Variants in TMCO4 observed in about 807,000 individuals in gnomAD.
TMCO4 encodes transmembrane and coiled-coil domain-containing protein 4.
TMCO4 carries 58 observed loss-of-function variants against 64.7 expected under a neutral mutation model. That is an observed-to-expected ratio of 0.90 (90% CI 0.73 to 1.12). The LOEUF is 1.12. TMCO4 is among the 50% of genes most tolerant of loss of function. TMCO4 has a pLI of 0.00. For missense variants in TMCO4, 780 were observed against 825.9 expected, an observed-to-expected ratio of 0.94 and a Z score of 0.68; for synonymous variants, 325 against 346.1, an observed-to-expected ratio of 0.94 and a Z score of 0.68.
intron 7 of TMCO4, 48 bp downstream of exon 7, chr1:19,755,586 T>C (rs1158205871): frequency 1.9e-6 from 3 of 1,610,380 alleles, no homozygotes; most frequent in Non-Finnish European, 2.5e-6. Flanking sequence ...CAAAGTACAC[T>C]GAAGTGGAAA....
intron 13 of TMCO4, among the ~76,000 whole-genome samples, chr1:19,702,751 C>A (rs933754768): frequency 1.3e-5 from 2 of 152,180 alleles, no homozygotes; most frequent in Non-Finnish European, 1.5e-5. Flanking sequence ...GTGACAGAGG[C>A]AGACCTTGTC....
intron 15 of TMCO4, among the ~76,000 whole-genome samples, chr1:19,689,301 T>A (rs1042441741): frequency 2.6e-5 from 4 of 152,160 alleles, no homozygotes; most frequent in African/African-American, 9.7e-5. Flanking sequence ...ACTCCTAATG[T>A]GATAAAGAGC....
chr1:19,765,726 AC>A (rs1471829210), intron 6 of TMCO4, among the ~76,000 whole-genome samples: 1 of 152,050 alleles, frequency 6.6e-6, no homozygotes, highest in Non-Finnish European at 1.5e-5. Flanking sequence ...ATTAGCATGC[AC>A]AAAAAATTCC....
intron 14 of TMCO4, among the ~76,000 whole-genome samples, chr1:19,695,062 T>C (rs930782444): frequency 3.3e-5 from 5 of 152,186 alleles, no homozygotes; most frequent in South Asian, 2.1e-4. Context: ...AGGGACCAGC[T>C]TGGCCTTCCC....
In TMCO4 at chr1:19,683,139, A is replaced by T. The variant is rs1215480724; in HGVS notation, c.1806T>A (p.Pro602=). 6.2e-7 allele frequency: 1 copy of T among 1,613,980 alleles called. No individual in the cohort carries two copies. The highest frequency in any genetic ancestry group is 8.5e-7 in the Non-Finnish European group (1 of 1,179,912). Residue 602 remains proline, a synonymous_variant, in exon 16 of 16, where the codon CCT becomes CCA. Transcript: ENST00000294543. ...CATGGCTGCAGATGGGGGGCCTTTC[A>T]GGGCTGGCAGCAGCAGGAAGGGAGG... ...EGASLPAAAS[P]ERPPICSHGM... is the part of the protein sequence containing the mutation.
chr1:19,711,499 T>C (rs1219561958), intron 13 of TMCO4, among the ~76,000 whole-genome samples: 1 of 152,174 alleles, frequency 6.6e-6, no homozygotes, highest in East Asian at 1.9e-4. Context: ...ATTTATTTGC[T>C]TGTTTTTCAG....
intron 13 of TMCO4, among the ~76,000 whole-genome samples, chr1:19,703,850 C>A (rs1389743483): frequency 6.6e-6 from 1 of 152,132 alleles, no homozygotes; most frequent in African/African-American, 2.4e-5. Context: ...GCCCGTCCAG[C>A]TCTTTCTTAT....
chr1:19,744,114 C>T (rs2041655794), intron 10 of TMCO4, among the ~76,000 whole-genome samples: 1 of 152,300 alleles, frequency 6.6e-6, no homozygotes, highest in Admixed American at 6.5e-5. Flanking sequence ...GACTTGGGAA[C>T]CCAGGAGGCT....
intron 13 of TMCO4, among the ~76,000 whole-genome samples, chr1:19,720,433 C>G (rs1043426068): frequency 6.6e-6 from 1 of 152,168 alleles, no homozygotes; most frequent in African/African-American, 2.4e-5. Context: ...AGCTGGAATT[C>G]AGATCCAGGC....
chr1:19,755,716 G>C lies in TMCO4; in HGVS notation c.433C>G (p.Leu145Val). The C allele has an allele frequency of 6.2e-7, 1 of 1,614,136 alleles. No individual in the cohort carries two copies. The highest frequency in any genetic ancestry group is 1.3e-5 in the African/African-American group (1 of 75,050). Residue 145 changes from leucine (L) to valine (V), a missense_variant, in exon 7 of 16, where the codon CTC becomes GTC. By Grantham distance (32) the Leu-to-Val change is conservative. Transcript: ENST00000294543. ...TCCAGCTCCTCCAAGGGCACTTGGA[G>C]CAGGGAGGTCATGTGGCAAACGAGG... Reference protein sequence around the residue: ...RVLVCHMTSLLQVPLEELDVL... With the variant: ...RVLVCHMTSLVQVPLEELDVL...
chr1:19,682,339 C>A lies in TMCO4; in HGVS notation c.*701G>T. ...CATTCTTGTCCCCAGGCCTAGTTCA[C>A]AGCCATACTGAATGCAATTCAGCAT... On this transcript the variant is annotated 3_prime_UTR_variant, in exon 16 of 16. Coordinates refer to ENST00000294543, the MANE Select transcript of TMCO4 (RefSeq NM_181719.7). 1 of 378,240 alleles carries A rather than the reference C, an allele frequency of 2.6e-6. No homozygotes were observed. The highest frequency in any genetic ancestry group is 4.9e-6 in the Non-Finnish European group (1 of 206,130). 23.4% of individuals were successfully genotyped at this position (378,240 alleles called of 1,614,324 possible). A position where few individuals can be genotyped will look rare whatever the true frequency, so the allele number is the denominator to read the frequency against.
intron 1 of TMCO4, among the ~76,000 whole-genome samples, chr1:19,799,520 G>C (rs893502481): frequency 6.6e-6 from 1 of 152,230 alleles, no homozygotes; most frequent in South Asian, 2.1e-4. Flanking sequence ...GGAGCGGCTG[G>C]GTGACCTCTA....
At chr1:19,712,273 C>T (rs2095334329) in intron 13 of TMCO4, among the ~76,000 whole-genome samples, 1 of 152,096 alleles carries the variant, frequency 6.6e-6, no homozygotes. Context: ...TGCCCCAAAA[C>T]AATTACAATA....
At chr1:19,748,932 C>T (rs1467854272) in intron 7 of TMCO4, among the ~76,000 whole-genome samples, 5 of 152,206 alleles carry the variant, frequency 3.3e-5, no homozygotes, top group Admixed American at 6.5e-5. Context: ...TGGTTCCCTG[C>T]CCGTTCACCT....
intron 14 of TMCO4, 75 bp downstream of exon 14, chr1:19,700,693 C>A: frequency 1.5e-6 from 2 of 1,313,542 alleles, no homozygotes; most frequent in Admixed American, 3.5e-5. Context: ...ATATGTGTCC[C>A]CAACACAGAG....
At chr1:19,795,885 G>C (rs1002347058) in intron 2 of TMCO4, among the ~76,000 whole-genome samples, 1 of 152,164 alleles carries the variant, frequency 6.6e-6, no homozygotes, top group Admixed American at 6.5e-5. Flanking sequence ...TGAGCCCCAG[G>C]CACCTGTGGA....
chr1:19,776,473 A>G (rs980166159), intron 4 of TMCO4, among the ~76,000 whole-genome samples: 3 of 152,168 alleles, frequency 2.0e-5, no homozygotes, highest in African/African-American at 7.2e-5. Context: ...ATTCATAAAC[A>G]TTTGTTCATG....
At chr1:19,772,147 CA>C (rs1442855206) in intron 4 of TMCO4, among the ~76,000 whole-genome samples, 4 of 152,106 alleles carry the variant, frequency 2.6e-5, no homozygotes, top group Non-Finnish European at 4.4e-5. Flanking sequence ...CTCAAGTAAC[CA>C]AGTGACTCTA....
Position 19,787,857 on chromosome 1 carries a change from G to C in TMCO4, c.-100-740C>G, listed in dbSNP as rs779807634. Among the ~76,000 whole-genome samples, 46 of 152,190 alleles carry C rather than the reference G, an allele frequency of 3.0e-4. 2 individuals are homozygous for C. Among genetic ancestry groups the C allele is most frequent in the Admixed American group, 2.7e-3 (42 of 15,276 alleles). ...TGCAACCTCCGCCTCCCAAGTTCAA[G>C]TGATTCTTGTGCCTCAGCCTCCTGA... is the stretch of plus-strand genomic sequence containing the variant. On this transcript the variant is annotated intron_variant, in intron 2 of 15. Transcript: ENST00000294543.
Sources: gnomAD v4.1 joint callset for allele counts (sites outside exome capture counted in the v4.1 genomes callset) on GRCh38, gnomAD v4.1.1 for gene constraint, MANE v1.5 for transcripts, NCBI Gene and HGNC (gene_info 2026-07-23, HGNC 2026-07-21) for gene names.